Variants in UBTD1 observed in about 807,000 individuals in gnomAD.
UBTD1 encodes the protein ubiquitin domain-containing protein 1.
UBTD1 carries 19 observed loss-of-function variants against 21.7 expected under a neutral mutation model. The observed-to-expected ratio is 0.87, with a 90% CI of 0.61 to 1.28. The LOEUF (loss-of-function observed/expected upper bound fraction) is 1.28, where lower values mean the gene tolerates loss of function less well. Among genes scored for constraint, UBTD1 ranks in the 50% most tolerant of loss-of-function variants. The probability of loss-of-function intolerance (pLI) is 0.00; values close to 1 mark genes in which losing one functional copy is unlikely to be tolerated. For missense variants in UBTD1, 282 were observed against 315.1 expected, an observed-to-expected ratio of 0.89 and a Z score of 0.80; for synonymous variants, 116 against 135.1, an observed-to-expected ratio of 0.86 and a Z score of 0.98.
At chr10:97,542,308 A>G (rs2040590847) in intron 1 of UBTD1, among the ~76,000 whole-genome samples, 1 of 152,100 alleles carries the variant, frequency 6.6e-6, no homozygotes, top group African/African-American at 2.4e-5. Flanking sequence ...TCCCCTCCCA[A>G]CCAGTCTGGC....
chr10:97,516,212 G>A (rs921226197), intron 1 of UBTD1, among the ~76,000 whole-genome samples: 3 of 152,224 alleles, frequency 2.0e-5, no homozygotes, highest in Admixed American at 2.0e-4. Flanking sequence ...TGGCCTCCTG[G>A]GAGCTGAGGC....
intron 1 of UBTD1, among the ~76,000 whole-genome samples, chr10:97,505,723 T>C (rs960051385): frequency 3.3e-5 from 5 of 152,184 alleles, no homozygotes; most frequent in Admixed American, 2.6e-4. Flanking sequence ...ATTTGTGCCA[T>C]GAGGTGACTG....
At chr10:97,534,839 C>A (rs1192765319) in intron 1 of UBTD1, among the ~76,000 whole-genome samples, 5 of 152,234 alleles carry the variant, frequency 3.3e-5, no homozygotes, top group Admixed American at 1.3e-4. Context: ...GGCAGAGACT[C>A]CAGCCCACAC....
At chr10:97,504,512 A>G (rs1027452694) in intron 1 of UBTD1, among the ~76,000 whole-genome samples, 1 of 152,070 alleles carries the variant, frequency 6.6e-6, no homozygotes, top group African/African-American at 2.4e-5. Context: ...CTCCCAGGCC[A>G]TTTCATTTAA....
At chr10:97,508,919 A>G (rs936967831) in intron 1 of UBTD1, among the ~76,000 whole-genome samples, 1 of 152,174 alleles carries the variant, frequency 6.6e-6, no homozygotes, top group African/African-American at 2.4e-5. Flanking sequence ...TCCCAGAGCA[A>G]ACCTCCGCTT....
chr10:97,499,298 C>T, intron 1 of UBTD1, 25 bp downstream of exon 1: 1 of 1,543,822 alleles, frequency 6.5e-7, no homozygotes, highest in Non-Finnish European at 8.7e-7. Flanking sequence ...GGGAGCAGGG[C>T]CTCGGGCATC....
chr10:97,518,031 G>A (rs184429906), intron 1 of UBTD1, among the ~76,000 whole-genome samples: 223 of 152,232 alleles, frequency 1.5e-3, no homozygotes, highest in Middle Eastern at 3.4e-3. Flanking sequence ...TCCGAGAATG[G>A]TGTTGGCCTC....
At chr10:97,567,023 A>T (rs2040719900) in intron 1 of UBTD1, among the ~76,000 whole-genome samples, 1 of 152,124 alleles carries the variant, frequency 6.6e-6, no homozygotes, top group Non-Finnish European at 1.5e-5. Context: ...ATGATTGCTT[A>T]AAAAATCCTT....
intron 1 of UBTD1, among the ~76,000 whole-genome samples, chr10:97,530,267 C>G (rs1208393881): frequency 2.0e-5 from 3 of 152,126 alleles, no homozygotes; most frequent in Non-Finnish European, 4.4e-5. Context: ...GATGCAAGCT[C>G]TTTATTATAA....
chr10:97,549,127 A>C lies in UBTD1; in HGVS notation c.71-18787A>C, dbSNP rs555586608. Among the ~76,000 whole-genome samples the C allele has an allele frequency of 2.0e-5, 3 of 152,258 alleles. 1 individual carries two copies. The South Asian group carries it at 6.2e-4, about 32-fold the overall frequency. On this transcript the variant is annotated intron_variant, in intron 1 of 2. Transcript: ENST00000370664. ...CTGCCCGCACACTGAGGCCTTGGGT[A>C]GGTCTGTTTCTCTTGGCTGCAATTT...
chr10:97,510,426 G>A (rs927867642), intron 1 of UBTD1, among the ~76,000 whole-genome samples: 2 of 152,030 alleles, frequency 1.3e-5, no homozygotes, highest in African/African-American at 4.8e-5. Context: ...ATGTAACCTC[G>A]GGTAAGTTAT....
intron 1 of UBTD1, among the ~76,000 whole-genome samples, chr10:97,538,545 A>G (rs1161366183): frequency 6.6e-6 from 1 of 152,198 alleles, no homozygotes; most frequent in African/African-American, 2.4e-5. Flanking sequence ...ATTCAGCTTC[A>G]GCCCAGACAG....
intron 1 of UBTD1, among the ~76,000 whole-genome samples, chr10:97,550,492 C>T (rs1470019976): frequency 2.0e-5 from 3 of 152,134 alleles, no homozygotes; most frequent in Non-Finnish European, 4.4e-5. Context: ...CCCCTGCCTC[C>T]GCCTGCCTCC....
At chr10:97,527,609 T>A (rs960330770) in intron 1 of UBTD1, among the ~76,000 whole-genome samples, 19 of 151,906 alleles carry the variant, frequency 1.3e-4, no homozygotes, top group Admixed American at 1.2e-3. Flanking sequence ...CCAGGCAGAG[T>A]GTTTGTGTCC....
intron 1 of UBTD1, among the ~76,000 whole-genome samples, chr10:97,533,615 C>G (rs1198864024): frequency 6.6e-6 from 1 of 152,078 alleles, no homozygotes. Flanking sequence ...CTGACTCAGC[C>G]CTTGCTTGAC....
chr10:97,507,684 G>T (rs1359836252), intron 1 of UBTD1, among the ~76,000 whole-genome samples: 2 of 149,428 alleles, frequency 1.3e-5, no homozygotes, highest in African/African-American at 4.9e-5. Flanking sequence ...GCTGAGGCAG[G>T]AGAATCGCTT....
At chr10:97,544,141 A>G (rs1448342453) in intron 1 of UBTD1, among the ~76,000 whole-genome samples, 4 of 152,072 alleles carry the variant, frequency 2.6e-5, no homozygotes, top group Non-Finnish European at 5.9e-5. Flanking sequence ...AAAAAATACA[A>G]AAATAGCTGG....
chr10:97,561,521 G>A (rs189649182), intron 1 of UBTD1, among the ~76,000 whole-genome samples: 17 of 152,232 alleles, frequency 1.1e-4, no homozygotes, highest in Middle Eastern at 6.8e-3. Context: ...GCAAGCAGGC[G>A]GTATGTGACA....
At chr10:97,552,393 C>CTTTTTT (rs60160152) in intron 1 of UBTD1, among the ~76,000 whole-genome samples, 5 of 119,858 alleles carry the variant, frequency 4.2e-5, no homozygotes, top group Non-Finnish European at 4.9e-5. Flanking sequence ...ATTATACACC[C>CTTTTTT]TTTTTTTTTT....
Sources: gnomAD v4.1 joint callset for allele counts (sites outside exome capture counted in the v4.1 genomes callset) on GRCh38, gnomAD v4.1.1 for gene constraint, MANE v1.5 for transcripts, NCBI Gene and HGNC (gene_info 2026-07-23, HGNC 2026-07-21) for gene names.